Variants in NRSN1 observed in about 807,000 individuals in gnomAD.
NRSN1 encodes neurensin 1.
NRSN1 carries 14 observed loss-of-function variants against 17.3 expected under a neutral mutation model. The observed-to-expected ratio is 0.81, with a 90% CI of 0.54 to 1.27. The LOEUF is 1.27. Ranked by LOEUF, NRSN1 falls within the 50% of genes most tolerant of loss-of-function variation. The pLI is 0.00. For missense variants in NRSN1, 209 were observed against 235.9 expected, an observed-to-expected ratio of 0.89 and a Z score of 0.75; for synonymous variants, 79 against 94.2, an observed-to-expected ratio of 0.84 and a Z score of 0.93.
chr6:24,141,270 A>T, intron 3 of NRSN1: 2 of 1,251,758 alleles, frequency 1.6e-6, no homozygotes, highest in Non-Finnish European at 2.0e-6. Context: ...GTGTCCAGAG[A>T]TAATTTTTAT....
intron 1 of NRSN1, 59 bp downstream of exon 1, chr6:24,126,399 T>C (rs990654821): frequency 3.2e-5 from 5 of 154,758 alleles, no homozygotes; most frequent in African/African-American, 1.2e-4. Flanking sequence ...AATGTCTTTC[T>C]CCAGTTCTCC....
At chr6:24,128,900 G>A (rs1310384907) in intron 2 of NRSN1, 1 of 152,200 alleles carries the variant, frequency 6.6e-6, no homozygotes, top group Admixed American at 6.5e-5. Flanking sequence ...ACTCATATTT[G>A]TTGCCTCTCT....
chr6:24,139,431 A>C (rs1247916918), intron 3 of NRSN1, among the ~76,000 whole-genome samples: 1 of 152,224 alleles, frequency 6.6e-6, no homozygotes, highest in African/African-American at 2.4e-5. Context: ...GATTCAAGAG[A>C]TTTTTATGAG....
At chr6:24,131,944 G>C (rs1039893153) in intron 2 of NRSN1, among the ~76,000 whole-genome samples, 5 of 152,068 alleles carry the variant, frequency 3.3e-5, no homozygotes, top group South Asian at 2.1e-4. Flanking sequence ...GTTCGTGTGT[G>C]GGGGAGTGCA....
At chr6:24,142,520 G>C (rs966334288) in intron 3 of NRSN1, among the ~76,000 whole-genome samples, 1 of 151,930 alleles carries the variant, frequency 6.6e-6, no homozygotes, top group Non-Finnish European at 1.5e-5. Flanking sequence ...GTACAACAAT[G>C]TGATCTCGGC....
chr6:24,135,991 T>C (rs900271810), intron 3 of NRSN1, among the ~76,000 whole-genome samples: 1 of 152,226 alleles, frequency 6.6e-6, no homozygotes, highest in Non-Finnish European at 1.5e-5. Context: ...ATTGGCCATA[T>C]AGTGTAACAA....
intron 3 of NRSN1, among the ~76,000 whole-genome samples, chr6:24,137,355 A>G (rs1199517511): frequency 6.6e-6 from 1 of 152,200 alleles, no homozygotes; most frequent in Non-Finnish European, 1.5e-5. Flanking sequence ...TCCAACATTC[A>G]CCAGGCTCTG....
At chr6:24,139,989 AG>A (rs1760177044) in intron 3 of NRSN1, among the ~76,000 whole-genome samples, 1 of 152,216 alleles carries the variant, frequency 6.6e-6, no homozygotes, top group African/African-American at 2.4e-5. Context: ...CCAGCAAAGC[AG>A]GTTGACAGTG....
At chr6:24,137,000 G>A (rs1760127187) in intron 3 of NRSN1, among the ~76,000 whole-genome samples, 1 of 152,138 alleles carries the variant, frequency 6.6e-6, no homozygotes, top group African/African-American at 2.4e-5. Flanking sequence ...ACCAACACAG[G>A]AAAAAGCACT....
At position 24,142,212 on chromosome 6, in the gene NRSN1, T is replaced by TTTTTTTTTTTTTTTTTTTTTTC. The variant is rs1484150562; in HGVS notation, c.190-3334_190-3333insTTTTTTTTTTTTTTTTTTTCTT. Reference sequence around the variant, plus strand: ...ACAGCTTTTTTTTTTTTTTTTTTTTTTTCAGAAGACATCCTATTGACTCTT... The same window carrying TTTTTTTTTTTTTTTTTTTTTTC: ...ACAGCTTTTTTTTTTTTTTTTTTTTTTTTTTTTTTTTTTTTTTTTTTCTTCAGAAGACATCCTATTGACTCTT... On this transcript the variant is annotated intron_variant, in intron 3 of 3. Transcript: ENST00000378491. Among the ~76,000 whole-genome samples, 24 of 134,598 alleles carry TTTTTTTTTTTTTTTTTTTTTTC rather than the reference T, an allele frequency of 1.8e-4. 1 individual carries two copies. Among genetic ancestry groups the TTTTTTTTTTTTTTTTTTTTTTC allele is most frequent in the Non-Finnish European group, 3.3e-4 (20 of 60,536 alleles). 88.3% of individuals were successfully genotyped at this position (134,598 alleles called of 152,430 possible). A position where few individuals can be genotyped will look rare whatever the true frequency, so the allele number is the denominator to read the frequency against.
In NRSN1 at chr6:24,146,458, G is replaced by T; in HGVS notation, c.*512G>T. The T allele has an allele frequency of 2.9e-6, 1 of 349,462 alleles. No individual in the cohort carries two copies. The highest frequency in any genetic ancestry group is 5.7e-6 in the Non-Finnish European group (1 of 174,938). 21.6% of individuals were successfully genotyped at this position (349,462 alleles called of 1,614,324 possible). ...GTTTTTAGACTGTATCTTGACATGA[G>T]GTTCCTGACATTGGATACAAAGTTA... is the stretch of plus-strand genomic sequence containing the variant. On this transcript the variant is annotated 3_prime_UTR_variant, in exon 4 of 4. Coordinates refer to ENST00000378491, the MANE Select transcript of NRSN1 (RefSeq NM_080723.5).
In NRSN1 at chr6:24,146,039, T is replaced by TGCCCACAGCTGAACACA; in HGVS notation, c.*97_*98insACAGCTGAACACAGCCC. On this transcript the variant is annotated 3_prime_UTR_variant, in exon 4 of 4. Transcript: ENST00000378491. ...GAGATAAAGAAGATTTGGCGTTGAC[T>TGCCCACAGCTGAACACA]GCCCTAGGGCTGTGTTCAGCTGTGG... The TGCCCACAGCTGAACACA allele has an allele frequency of 7.8e-7, 1 of 1,275,586 alleles. No individual in the cohort carries two copies. The highest frequency in any genetic ancestry group is 1.1e-6 in the Non-Finnish European group (1 of 887,746). 79.0% of individuals were successfully genotyped at this position (1,275,586 alleles called of 1,614,324 possible). A position where few individuals can be genotyped will look rare whatever the true frequency, so the allele number is the denominator to read the frequency against.
intron 3 of NRSN1, among the ~76,000 whole-genome samples, chr6:24,142,213 T>TTTC (rs957826257): frequency 1.4e-4 from 19 of 132,626 alleles, no homozygotes; most frequent in East Asian, 9.7e-4. Flanking sequence ...TTTTTTTTTT[T>TTTC]TCAGAAGACA....
At chr6:24,143,743 A>G (rs75159214) in intron 3 of NRSN1, among the ~76,000 whole-genome samples, 1,530 of 152,344 alleles carry the variant, frequency 0.01, 26 homozygotes, top group African/African-American at 0.034. Context: ...GTCTTTCCAA[A>G]TAAGAAGAAT....
Position 24,146,200 on chromosome 6 carries a change from T to C in NRSN1, c.*254T>C, listed in dbSNP as rs771008661. The C allele has an allele frequency of 2.9e-6, 2 of 687,990 alleles. No individual in the cohort carries two copies. The highest frequency in any genetic ancestry group is 3.0e-5 in the South Asian group (2 of 66,558). The allele number at this position is 687,990 out of a possible 1,614,324, so 42.6% of individuals were successfully genotyped here. On this transcript the variant is annotated 3_prime_UTR_variant, in exon 4 of 4. Transcript: ENST00000378491. The stretch of plus-strand genomic sequence containing the variant: ...TTGTACCCGGCCACCAGAAAACCCC[T>C]GGAACTCCTCTTTCATAGATCGTGA...
In NRSN1 at chr6:24,126,336, AG is replaced by A. The variant is rs1759948003; in HGVS notation, c.-83+1del. ...CTTGCTCCACGGGTCAGGGGATCGG[AG>A]GGGGTAGGTAAAGCCACGCAGAGTC... On this transcript the variant is annotated 5_prime_UTR_variant, in exon 1 of 4. Coordinates refer to ENST00000378491, the MANE Select transcript of NRSN1 (RefSeq NM_080723.5). The A allele has an allele frequency of 1.2e-5, 2 of 162,272 alleles. No individual in the cohort carries two copies. Among genetic ancestry groups the A allele is most frequent in the African/African-American group, 2.4e-5 (1 of 41,436 alleles). 10.1% of individuals were successfully genotyped at this position (162,272 alleles called of 1,614,324 possible). A position where few individuals can be genotyped will look rare whatever the true frequency, so the allele number is the denominator to read the frequency against.
At position 24,146,709 on chromosome 6, in the gene NRSN1, C is replaced by A. The variant is rs886830890; in HGVS notation, c.*763C>A. The A allele has an allele frequency of 2.6e-5, 4 of 153,916 alleles. No individual in the cohort carries two copies. Among genetic ancestry groups the A allele is most frequent in the African/African-American group, 9.7e-5 (4 of 41,398 alleles). 9.5% of individuals were successfully genotyped at this position (153,916 alleles called of 1,614,324 possible). A position where few individuals can be genotyped will look rare whatever the true frequency, so the allele number is the denominator to read the frequency against. On this transcript the variant is annotated 3_prime_UTR_variant, in exon 4 of 4. Transcript: ENST00000378491. ...TTTTAATTTTTTTTAGAGGCAGGAT[C>A]TTGCTGTCCAATTTTTTTTAAAAAG...
chr6:24,134,156 G>A (rs748848856), intron 2 of NRSN1, among the ~76,000 whole-genome samples, 163 bp from the exon 3 acceptor site: 16 of 152,260 alleles, frequency 1.1e-4, no homozygotes, highest in South Asian at 2.1e-4. Flanking sequence ...GAGCCACTGC[G>A]CCCCGCCAAG....
chr6:24,141,097 TGGA>T (rs1381707362), intron 3 of NRSN1: 1 of 1,391,972 alleles, frequency 7.2e-7, no homozygotes, highest in Non-Finnish European at 9.4e-7. Context: ...CTGCTGAGCC[TGGA>T]GGAGGACCCT....
Sources: allele counts gnomAD v4.1 joint callset (sites outside exome capture counted in the v4.1 genomes callset), GRCh38; gene constraint gnomAD v4.1.1; transcripts MANE v1.5; gene names NCBI Gene and HGNC (gene_info 2026-07-23, HGNC 2026-07-21).